TAF6: variants seen among roughly 807,000 people sequenced by gnomAD.
The protein encoded by TAF6 is transcription initiation factor TFIID subunit 6.
A neutral mutation model predicts 73.5 loss-of-function variants in TAF6; 50 were observed. The ratio of observed to expected loss-of-function variants is 0.68; its 90% CI spans 0.54 to 0.86. TAF6 has a LOEUF of 0.86. Ranked by LOEUF, TAF6 falls within the 40% of genes least tolerant of loss-of-function variation. The probability of loss-of-function intolerance (pLI) is 0.00; values close to 1 mark genes in which losing one functional copy is unlikely to be tolerated. For missense variants in TAF6, 768 were observed against 899.5 expected (o/e 0.85, Z 1.87); for synonymous variants, 424 against 376.7 (o/e 1.13, Z -1.45).
chr7:100,110,380 A>T, intron 10 of TAF6, 106 bp from the exon 11 acceptor site: 1 of 1,313,286 alleles, frequency 7.6e-7, no homozygotes, highest in Non-Finnish European at 1.1e-6. Flanking sequence ...AAGACATTAC[A>T]ATGAGGCCAG....
At chr7:100,119,774 T>G (rs1382470163), upstream of TAF6, 13 of 1,614,128 alleles carry the variant, frequency 8.1e-6, no homozygotes, top group Non-Finnish European at 1.1e-5. Flanking sequence ...GAATATTGCT[T>G]TTCCTTTTTT....
Position 100,111,764 on chromosome 7 carries a change from C to T in TAF6, c.864G>A (p.Ala288=), listed in dbSNP as rs759351666. 7 of 1,614,080 alleles carry T rather than the reference C, an allele frequency of 4.3e-6. No individual in the cohort carries two copies. In the African/African-American group the frequency reaches 5.3e-5, roughly 12 times the overall value. The change falls in exon 9 of 15, where the codon GCG becomes GCA. Residue 288 remains alanine, a synonymous_variant. Coordinates refer to ENST00000453269, the MANE Select transcript of TAF6 (RefSeq NM_139315.3). ...GATAGAGCGTGGGGTTGTCCATCAGCGCTTTCACCATACGCATCAGGTAGA... is the reference window on the plus strand; with the variant it reads ...GATAGAGCGTGGGGTTGTCCATCAGTGCTTTCACCATACGCATCAGGTAGA... ...LLIYLMRMVK[A]LMDNPTLYLE...
intron 6 of TAF6, 72 bp from the exon 7 acceptor site, chr7:100,112,325 C>A: frequency 6.5e-7 from 1 of 1,543,654 alleles, no homozygotes; most frequent in Admixed American, 2.1e-5. Flanking sequence ...GAACCTTAAC[C>A]CTCCACTTCC....
Position 100,117,552 on chromosome 7 carries a change from G to A in TAF6, c.-60+1652C>T, listed in dbSNP as rs188455442. Among the ~76,000 whole-genome samples the A allele has an allele frequency of 4.3e-4, 65 of 151,762 alleles. No homozygotes were observed. In the East Asian group the frequency reaches 0.012, roughly 29 times the overall value. On this transcript the variant is annotated intron_variant, in intron 1 of 14. Transcript: ENST00000453269. ...CTCCCAAAGTGCTGGGATTACAGGCGTGAGCCACTGTGCCCGGCCGACAGA... is the reference window on the plus strand; with the variant it reads ...CTCCCAAAGTGCTGGGATTACAGGCATGAGCCACTGTGCCCGGCCGACAGA...
chr7:100,122,379 G>T (rs143557149), upstream of TAF6: 4,872 of 1,614,150 alleles, frequency 3.0e-3, 18 homozygotes, highest in Non-Finnish European at 3.7e-3. Flanking sequence ...GTGCCTTACA[G>T]CGTTTCGTGA....
At position 100,112,211 on chromosome 7, in the gene TAF6, A is replaced by G; in HGVS notation, c.617T>C (p.Leu206Ser). ...GTGGATGCTCCGGGGCTTCAGTCGC[A>G]AGGGGGCCCCCTCCAGCAAGGGCGG... ...KAPPLLEGAP[L>S]RLKPRSIHEL... The change falls in exon 7 of 15, where the codon TTG (leucine) becomes TCG (serine). Residue 206 changes from leucine (L) to serine (S), a missense_variant. This residue lies in a region of TAF6 where 269 missense variants were observed against 268.0 expected (regional missense o/e 1.00). Transcript: ENST00000453269. 2 of 1,614,102 alleles carry G rather than the reference A, an allele frequency of 1.2e-6. No homozygotes were observed. Among genetic ancestry groups the G allele is most frequent in the Non-Finnish European group, 1.7e-6 (2 of 1,180,002 alleles).
chr7:100,108,626 A>C, intron 12 of TAF6, 86 bp from the exon 13 acceptor site: 2 of 1,446,376 alleles, frequency 1.4e-6, no homozygotes, highest in Non-Finnish European at 1.9e-6. Flanking sequence ...CTTGAGAAGA[A>C]CCTTGGGGAT....
chr7:100,124,864 CA>C, the TAF6 span: 1 of 1,601,674 alleles, frequency 6.2e-7, no homozygotes, highest in Non-Finnish European at 8.5e-7. Flanking sequence ...GAAGCCACCC[CA>C]AACTTGACCG....
Position 100,113,443 on chromosome 7 carries a change from A to G in TAF6, c.398-38T>C, listed in dbSNP as rs1247802485. The G allele has an allele frequency of 7.1e-6, 11 of 1,550,698 alleles. No homozygotes were observed. The South Asian group carries it at 1.2e-4, about 17-fold the overall frequency. ...CAGGTGTCAAGGTGAATTGCCACGCATGGACATTGGGGAGTTGCCCCATGC... is the reference window on the plus strand; with the variant it reads ...CAGGTGTCAAGGTGAATTGCCACGCGTGGACATTGGGGAGTTGCCCCATGC... On this transcript the variant is annotated intron_variant, in intron 4 of 14. Coordinates refer to ENST00000453269, the MANE Select transcript of TAF6 (RefSeq NM_139315.3).
chr7:100,107,702 C>T, intron 14 of TAF6, 79 bp from the exon 15 acceptor site: 1 of 1,550,460 alleles, frequency 6.4e-7, no homozygotes, highest in Non-Finnish European at 8.7e-7. Flanking sequence ...GCTTCACTCG[C>T]TCCCTGCCTG....
At chr7:100,126,169 G>C in the TAF6 span, among the ~76,000 whole-genome samples, 1 of 151,972 alleles carries the variant, frequency 6.6e-6, no homozygotes, top group African/African-American at 2.4e-5. Flanking sequence ...CTGGGTGATA[G>C]AGCGAGACTC....
chr7:100,121,111 T>TATATATATATATAC (rs1562938270), upstream of TAF6: 20 of 35,342 alleles, frequency 5.7e-4, no homozygotes, highest in South Asian at 1.1e-3. Context: ...TATATATATA[T>TATATATATATATAC]ATATATTTTT....
chr7:100,113,233 C>T (rs1028674302), intron 5 of TAF6, 116 bp downstream of exon 5: 18 of 1,041,046 alleles, frequency 1.7e-5, no homozygotes, highest in Non-Finnish European at 2.3e-5. Context: ...AGCCACTGCA[C>T]TCCAGCACTC....
chr7:100,124,336 C>T (rs1798156852), upstream of TAF6: 3 of 569,906 alleles, frequency 5.3e-6, no homozygotes, highest in Non-Finnish European at 3.1e-6. Flanking sequence ...ATCTACTTGG[C>T]AGAATAGGTG....
intron 10 of TAF6, 114 bp downstream of exon 10, chr7:100,111,025 G>T: frequency 2.1e-5 from 23 of 1,114,482 alleles, no homozygotes; most frequent in Non-Finnish European, 3.0e-5. Flanking sequence ...AAGACCCTTA[G>T]ACCCCCACAA....
Position 100,110,001 on chromosome 7 carries a change from C to G in TAF6, c.1231G>C (p.Val411Leu). The G allele has an allele frequency of 6.2e-7, 1 of 1,614,218 alleles. No individual in the cohort carries two copies. The highest frequency in any genetic ancestry group is 8.5e-7 in the Non-Finnish European group (1 of 1,180,046). Residue 411 changes from valine to leucine, a missense_variant, in exon 12 of 15, where the codon GTG (valine) becomes CTG (leucine). Around this residue, in one of 5 missense-constraint regions of TAF6, gnomAD observed 69 missense variants for 105.4 expected, o/e 0.65. Coordinates refer to ENST00000453269, the MANE Select transcript of TAF6 (RefSeq NM_139315.3). ...CCAATCCGGTCAATGTTGCTCAGCA[C>G]AGGGCCGTCCAGCACACTGCGGATC... ...ERIRSVLDGP[V>L]LSNIDRIGAD... is the part of the protein sequence containing the mutation.
chr7:100,118,808 C>T (rs1797897666), intron 1 of TAF6: 1 of 979,160 alleles, frequency 1.0e-6, no homozygotes, highest in Non-Finnish European at 1.2e-6. Flanking sequence ...TGGTTCTTTT[C>T]AAACCATCCC....
chr7:100,109,657 G>A (rs1796980758), intron 12 of TAF6, among the ~76,000 whole-genome samples: 1 of 151,108 alleles, frequency 6.6e-6, no homozygotes, highest in Non-Finnish European at 1.5e-5. Flanking sequence ...ACCACTCCCG[G>A]CTTTTTGGTT....
chr7:100,122,297 AGTCGCACCG>A (rs772788519), upstream of TAF6: 6 of 1,614,088 alleles, frequency 3.7e-6, no homozygotes, highest in Middle Eastern at 4.9e-4. Flanking sequence ...GGCGGAACTG[AGTCGCACCG>A]GTCGATCTCG....
Sources: allele counts gnomAD v4.1 joint callset (sites outside exome capture counted in the v4.1 genomes callset), GRCh38; gene constraint gnomAD v4.1.1; regional missense constraint gnomAD v4.1.1; transcripts MANE v1.5; gene names NCBI Gene and HGNC (gene_info 2026-07-23, HGNC 2026-07-21).